Variants in SCRG1 observed in about 807,000 individuals in gnomAD.
The protein encoded by SCRG1 is scrapie-responsive protein 1.
SCRG1 carries 3 observed loss-of-function variants against 7.7 expected under a neutral mutation model. That is an observed-to-expected ratio of 0.39 (90% CI 0.18 to 1.01). The LOEUF is 1.01. Among genes scored for constraint, SCRG1 ranks in the 50% least tolerant of loss-of-function variants. The probability of loss-of-function intolerance (pLI) is 0.36; values close to 1 mark genes in which losing one functional copy is unlikely to be tolerated. For missense variants in SCRG1, 110 were observed against 117.2 expected, an observed-to-expected ratio of 0.94 and a Z score of 0.28; for synonymous variants, 46 against 41.2, an observed-to-expected ratio of 1.12 and a Z score of -0.44.
chr4:173,515,429 A>AG, the SCRG1 span, among the ~76,000 whole-genome samples: 2 of 152,180 alleles, frequency 1.3e-5, no homozygotes, highest in African/African-American at 4.8e-5. This position sits in a 1 kb window ranked among gnomAD's most constrained non-coding sequence, Gnocchi z 4.6. Flanking sequence ...TGCTAAAAAA[A>AG]AAAAACTTTA....
chr4:173,477,762 C>CCTTT, the SCRG1 span, among the ~76,000 whole-genome samples: 7 of 141,796 alleles, frequency 4.9e-5, no homozygotes, highest in African/African-American at 1.8e-4. Flanking sequence ...TTCCTTCCTT[C>CCTTT]CTTCCTTCTT....
chr4:173,435,140 G>A, the SCRG1 span, among the ~76,000 whole-genome samples: 2 of 79,534 alleles, frequency 2.5e-5, no homozygotes, highest in Non-Finnish European at 6.5e-5. Flanking sequence ...GTGTGTGTGT[G>A]TGTGTGTGTG....
chr4:173,428,705 C>G, the SCRG1 span, among the ~76,000 whole-genome samples: 1 of 152,186 alleles, frequency 6.6e-6, no homozygotes, highest in Non-Finnish European at 1.5e-5. Flanking sequence ...TCTCTGACTG[C>G]ATGGGTAACC....
the SCRG1 span, among the ~76,000 whole-genome samples, chr4:173,491,320 C>T: frequency 2.6e-5 from 4 of 151,236 alleles, no homozygotes; most frequent in Non-Finnish European, 4.4e-5. Context: ...TGATGAGTCA[C>T]TTCTCTGTAT....
At chr4:173,416,373 G>A in the SCRG1 span, among the ~76,000 whole-genome samples, 2 of 152,232 alleles carry the variant, frequency 1.3e-5, no homozygotes, top group South Asian at 2.1e-4. Context: ...CACTCCTTGT[G>A]CCCATCTTGT....
At chr4:173,394,319 T>G (rs1578962967) in intron 1 of SCRG1, among the ~76,000 whole-genome samples, 1 of 152,116 alleles carries the variant, frequency 6.6e-6, no homozygotes, top group Admixed American at 6.6e-5. Context: ...TATAGGTATT[T>G]CCATTGTGGT....
the SCRG1 span, among the ~76,000 whole-genome samples, chr4:173,477,670 G>A: frequency 2.0e-5 from 3 of 151,962 alleles, no homozygotes; most frequent in Admixed American, 1.3e-4. Flanking sequence ...TTCTTTAAAG[G>A]AATAATGCTA....
the SCRG1 span, among the ~76,000 whole-genome samples, chr4:173,509,462 G>A: frequency 6.6e-6 from 1 of 152,192 alleles, no homozygotes; most frequent in African/African-American, 2.4e-5. This position sits in a 1 kb window ranked among gnomAD's most constrained non-coding sequence, Gnocchi z 5.7. Flanking sequence ...GGGGGCCGCA[G>A]CGCTTTGCAA....
At chr4:173,518,753 C>T in the SCRG1 span, among the ~76,000 whole-genome samples, 2 of 152,152 alleles carry the variant, frequency 1.3e-5, no homozygotes, top group East Asian at 3.9e-4. Flanking sequence ...GTTGGTGGAT[C>T]GACCCTCCGC....
At chr4:173,428,437 CT>C in the SCRG1 span, among the ~76,000 whole-genome samples, 1 of 152,132 alleles carries the variant, frequency 6.6e-6, no homozygotes, top group South Asian at 2.1e-4. Context: ...GAAATTCTCA[CT>C]GTTAATGTAA....
chr4:173,507,974 C>T, the SCRG1 span, among the ~76,000 whole-genome samples: 2 of 152,204 alleles, frequency 1.3e-5, no homozygotes, highest in African/African-American at 4.8e-5. The surrounding 1 kb of genome is among the most constrained non-coding windows in gnomAD (Gnocchi z 4.4). Context: ...GGCGCTGCTA[C>T]TGGCCGAGGA....
the SCRG1 span, among the ~76,000 whole-genome samples, chr4:173,485,743 G>T: frequency 6.6e-6 from 1 of 152,088 alleles, no homozygotes; most frequent in Non-Finnish European, 1.5e-5. Flanking sequence ...GCTGAGACAG[G>T]CAGATCACTT....
the SCRG1 span, among the ~76,000 whole-genome samples, chr4:173,437,032 A>G: frequency 6.6e-6 from 1 of 152,246 alleles, no homozygotes; most frequent in Non-Finnish European, 1.5e-5. Flanking sequence ...TTCATTGCTC[A>G]GTAATGAGGC....
At chr4:173,392,092 G>A (rs1169273723) in intron 1 of SCRG1, among the ~76,000 whole-genome samples, 1 of 152,144 alleles carries the variant, frequency 6.6e-6, no homozygotes, top group African/African-American at 2.4e-5. Context: ...TGAATACAGT[G>A]GTTCTTTACC....
intron 1 of SCRG1, among the ~76,000 whole-genome samples, chr4:173,395,400 T>C (rs1319193617): frequency 6.6e-6 from 1 of 152,242 alleles, no homozygotes; most frequent in Non-Finnish European, 1.5e-5. Flanking sequence ...TAAAAGAATA[T>C]ATGGACTTCT....
chr4:173,388,371 G>T lies in SCRG1; in HGVS notation c.267C>A (p.Ile89=). 4 of 1,611,924 alleles carry T rather than the reference G, an allele frequency of 2.5e-6. No homozygotes were observed. The highest frequency in any genetic ancestry group is 1.3e-5 in the African/African-American group (1 of 74,986). The change falls in exon 3 of 3, where the codon ATC becomes ATA. Residue 89 remains isoleucine, a synonymous_variant. Transcript: ENST00000296506. ...GATTGTTGCAAGGAATCACGAAAGAGATCTTTGGTCCAAAGAAAACGTCTC... is the reference window on the plus strand; with the variant it reads ...GATTGTTGCAAGGAATCACGAAAGATATCTTTGGTCCAAAGAAAACGTCTC... ...CPKDVFFGPK[I]SFVIPCNNQ is the part of the protein sequence containing the mutation.
At chr4:173,474,388 C>G in the SCRG1 span, among the ~76,000 whole-genome samples, 1 of 152,090 alleles carries the variant, frequency 6.6e-6, no homozygotes, top group African/African-American at 2.4e-5. Context: ...TTGAACCACT[C>G]TGTAAATCCA....
chr4:173,483,503 T>A, the SCRG1 span, among the ~76,000 whole-genome samples: 2 of 84,532 alleles, frequency 2.4e-5, no homozygotes, highest in Non-Finnish European at 2.0e-5. Flanking sequence ...TATATTATAT[T>A]CTGATATATA....
At chr4:173,398,093 C>T (rs1026645364) in intron 1 of SCRG1, among the ~76,000 whole-genome samples, 5 of 152,034 alleles carry the variant, frequency 3.3e-5, no homozygotes, top group African/African-American at 9.7e-5. Flanking sequence ...CCTTAGAAGA[C>T]GTTTTTGTTA....
Sources: allele counts gnomAD v4.1 joint callset (sites outside exome capture counted in the v4.1 genomes callset), GRCh38; gene constraint gnomAD v4.1.1; non-coding constraint Gnocchi (gnomAD v3.1); transcripts MANE v1.5; gene names NCBI Gene and HGNC (gene_info 2026-07-23, HGNC 2026-07-21).